The following YY1AP1 variants were observed in gnomAD, a reference collection of about 807,000 sequenced individuals.
YY1AP1 encodes the protein YY1 associated protein 1, also known as YY1-associated protein 1.
YY1AP1 carries 43 observed loss-of-function variants against 39.9 expected under a neutral mutation model. The observed-to-expected ratio is 1.08, with a 90% CI of 0.84 to 1.39. The LOEUF (loss-of-function observed/expected upper bound fraction) is 1.39, where lower values mean the gene tolerates loss of function less well. YY1AP1 is among the 40% of genes most tolerant of loss of function. The pLI is 0.00. For missense variants in YY1AP1, 813 were observed against 900.7 expected (o/e 0.90, Z 1.25); for synonymous variants, 292 against 331.3 (o/e 0.88, Z 1.29).
rs1558306040 is a variant in YY1AP1, at chr1:155,670,345, T to A, written c.703A>T (p.Ile235Phe). 6.2e-6 allele frequency: 10 copies of A among 1,612,490 alleles called. No individual in the cohort carries two copies. Among genetic ancestry groups the A allele is most frequent in the Non-Finnish European group, 8.5e-6 (10 of 1,179,924 alleles). The change falls in exon 8 of 11, where the codon ATC becomes TTC. Residue 235 changes from isoleucine (I) to phenylalanine (F), a missense_variant. Transcript: ENST00000355499. Reference sequence around the variant, plus strand: ...TTGTCCTCAGCCTTGGTGAAGAGGATCTTATCCTGGGGATTCTTTGCCTTC... The same window carrying A: ...TTGTCCTCAGCCTTGGTGAAGAGGAACTTATCCTGGGGATTCTTTGCCTTC... ...SLKAKNPQDK[I>F]LFTKAEDNLL...
Position 155,670,384 on chromosome 1 carries a change from G to C in YY1AP1, c.664C>G (p.Pro222Ala). The C allele has an allele frequency of 1.2e-6, 2 of 1,613,668 alleles. No individual in the cohort carries two copies. Among genetic ancestry groups the C allele is most frequent in the African/African-American group, 1.3e-5 (1 of 75,028 alleles). The change falls in exon 8 of 11, where the codon CCA (proline) becomes GCA (alanine). Residue 222 changes from proline to alanine, a missense_variant. Coordinates refer to ENST00000355499, the MANE Select transcript of YY1AP1 (RefSeq NM_139119.3). ...TTCTTTGCCTTCAGGGAACACACTG[G>C]AAGTAACTCTGGATACATGAAAACC... ...SKVFMYPELL[P>A]VCSLKAKNPQ... is the part of the protein sequence containing the mutation.
intron 8 of YY1AP1, 112 bp downstream of exon 8, chr1:155,670,208 T>A (rs1281290356): frequency 1.4e-6 from 2 of 1,463,262 alleles, no homozygotes; most frequent in Non-Finnish European, 1.9e-6. Context: ...TCATCTATAC[T>A]GCTTTTCCTT....
At chr1:155,672,233 C>T in intron 7 of YY1AP1, 1 of 373,238 alleles carries the variant, frequency 2.7e-6, no homozygotes, top group South Asian at 2.8e-5. Flanking sequence ...TCATCTTTAC[C>T]AGGCCCCAGT....
chr1:155,664,629 G>A (rs1026553719), intron 9 of YY1AP1, among the ~76,000 whole-genome samples: 2 of 152,008 alleles, frequency 1.3e-5, no homozygotes, highest in Non-Finnish European at 2.9e-5. Flanking sequence ...GGAGGCTGAG[G>A]CAGGAGAATC....
chr1:155,666,926 G>A (rs1649099770), intron 9 of YY1AP1, among the ~76,000 whole-genome samples: 1 of 152,168 alleles, frequency 6.6e-6, no homozygotes, highest in South Asian at 2.1e-4. Flanking sequence ...CTTGAACCCG[G>A]TAGGTGGAGG....
At chr1:155,669,802 AG>A (rs1649573516) in intron 8 of YY1AP1, among the ~76,000 whole-genome samples, 1 of 152,020 alleles carries the variant, frequency 6.6e-6, no homozygotes, top group Non-Finnish European at 1.5e-5. Flanking sequence ...CAGGAGTGGG[AG>A]GATCATTTGA....
intron 1 of YY1AP1, 32 bp from the exon 2 acceptor site, chr1:155,688,233 G>A (rs1652863457): frequency 7.4e-6 from 12 of 1,612,632 alleles, no homozygotes; most frequent in Admixed American, 6.7e-5. Context: ...AGAAGGGAAA[G>A]GTGGAGGGCT....
intron 4 of YY1AP1, 64 bp from the exon 5 acceptor site, chr1:155,676,810 T>C (rs1233013305): frequency 2.0e-6 from 3 of 1,519,270 alleles, no homozygotes; most frequent in African/African-American, 1.4e-5. Context: ...TCCAATTCTT[T>C]GCAATGATGA....
In YY1AP1 at chr1:155,688,651, A is replaced by T. The variant is rs1343436158; in HGVS notation, c.-152+8T>A. On this transcript the variant is annotated splice_region_variant and intron_variant, in intron 1 of 10. Transcript: ENST00000355499. The stretch of plus-strand genomic sequence containing the variant: ...CAAGCCGGCTCCAGCGCAGGCCCTC[A>T]CGCGTACCTTCAGCGGCGCGAGCCC... 8 of 1,532,916 alleles carry T rather than the reference A, an allele frequency of 5.2e-6. No homozygotes were observed. In the African/African-American group the frequency reaches 8.3e-5, roughly 16 times the overall value. The allele number at this position is 1,532,916 out of a possible 1,614,324, so 95.0% of individuals were successfully genotyped here.
chr1:155,679,530 G>T lies in YY1AP1; in HGVS notation c.22-18C>A. 6.2e-7 allele frequency: 1 copy of T among 1,614,056 alleles called. No homozygotes were observed. The highest frequency in any genetic ancestry group is 1.1e-5 in the South Asian group (1 of 91,078). ...TCTTGGAACTGTGGGCAAAGGAAAG[G>T]GAGGGTTTTCCTGGGGAATGGGCTT... On this transcript the variant is annotated intron_variant, in intron 3 of 10. Coordinates refer to ENST00000355499, the MANE Select transcript of YY1AP1 (RefSeq NM_139119.3).
intron 5 of YY1AP1, 126 bp downstream of exon 5, chr1:155,676,422 C>T (rs1428405105): frequency 4.4e-6 from 5 of 1,140,302 alleles, no homozygotes; most frequent in East Asian, 2.4e-5. Context: ...GAAGATACTA[C>T]GGTTTTAATA....
chr1:155,665,760 G>T (rs1331789847), intron 9 of YY1AP1, among the ~76,000 whole-genome samples: 1 of 147,870 alleles, frequency 6.8e-6, no homozygotes, highest in Non-Finnish European at 1.5e-5. Flanking sequence ...TCCAGCCTGG[G>T]GGACAGAGCA....
In YY1AP1 at chr1:155,670,359, T is replaced by C; in HGVS notation, c.689A>G (p.Asn230Ser). 3.1e-6 allele frequency: 5 copies of C among 1,613,002 alleles called. No homozygotes were observed. The highest frequency in any genetic ancestry group is 4.2e-6 in the Non-Finnish European group (5 of 1,179,964). The stretch of plus-strand genomic sequence containing the variant: ...GGTGAAGAGGATCTTATCCTGGGGA[T>C]TCTTTGCCTTCAGGGAACACACTGG... ...LLPVCSLKAK[N>S]PQDKILFTKA... The change falls in exon 8 of 11, where the codon AAT (asparagine) becomes AGT (serine). Residue 230 changes from asparagine (N) to serine (S), a missense_variant. Physicochemically the swap from Asn to Ser is conservative, Grantham distance 46. Transcript: ENST00000355499.
Position 155,688,772 on chromosome 1 carries a change from T to C in YY1AP1, c.-265A>G, listed in dbSNP as rs1653166026. ...GCAGCCGCCGCCAGCACCCCCACCCTACACTCCTCGCGCGTGCGCCTCCCA... is the reference window on the plus strand; with the variant it reads ...GCAGCCGCCGCCAGCACCCCCACCCCACACTCCTCGCGCGTGCGCCTCCCA... On this transcript the variant is annotated 5_prime_UTR_variant, in exon 1 of 11. Transcript: ENST00000355499. 2 of 1,443,046 alleles carry C rather than the reference T, an allele frequency of 1.4e-6. No individual in the cohort carries two copies. Among genetic ancestry groups the C allele is most frequent in the Admixed American group, 2.2e-5 (1 of 46,008 alleles). The allele number at this position is 1,443,046 out of a possible 1,614,324, so 89.4% of individuals were successfully genotyped here.
At chr1:155,664,768 A>ATT (rs576047659) in intron 9 of YY1AP1, among the ~76,000 whole-genome samples, 9 of 137,834 alleles carry the variant, frequency 6.5e-5, no homozygotes, top group Non-Finnish European at 6.3e-5. Flanking sequence ...ATGAATGGAG[A>ATT]TTTTTTTTTT....
intron 9 of YY1AP1, 44 bp downstream of exon 9, chr1:155,668,583 T>C (rs755169887): frequency 1.9e-5 from 30 of 1,613,682 alleles, no homozygotes; most frequent in South Asian, 1.5e-4. Flanking sequence ...AGAACAGATA[T>C]GTGTTGGTGA....
chr1:155,688,964 C>T (rs767796919), upstream of YY1AP1: 43 of 1,610,108 alleles, frequency 2.7e-5, no homozygotes, highest in Non-Finnish European at 3.6e-5. Context: ...CTGCGGCTCG[C>T]CTCCTCCTCC....
At position 155,676,757 on chromosome 1, in the gene YY1AP1, C is replaced by T. The variant is rs770166223; in HGVS notation, c.126-11G>A. ...AGTAGTTCCTCAAACCTATCCCAAACGGGGATGACTGAATTTGAGTGTTTT... is the reference window on the plus strand; with the variant it reads ...AGTAGTTCCTCAAACCTATCCCAAATGGGGATGACTGAATTTGAGTGTTTT... On this transcript the variant is annotated splice_polypyrimidine_tract_variant and intron_variant, in intron 4 of 10. Transcript: ENST00000355499. 42 of 1,613,358 alleles carry T rather than the reference C, an allele frequency of 2.6e-5. No homozygotes were observed. The highest frequency in any genetic ancestry group is 3.3e-4 in the Middle Eastern group (2 of 6,080).
At chr1:155,676,146 C>T (rs943607896) in intron 5 of YY1AP1, among the ~76,000 whole-genome samples, 4 of 151,706 alleles carry the variant, frequency 2.6e-5, no homozygotes, top group East Asian at 1.9e-4. Flanking sequence ...GGCGTGAACC[C>T]GGGAGGCAGA....
Sources: allele counts gnomAD v4.1 joint callset (sites outside exome capture counted in the v4.1 genomes callset), GRCh38; gene constraint gnomAD v4.1.1; transcripts MANE v1.5; gene names NCBI Gene and HGNC (gene_info 2026-07-23, HGNC 2026-07-21).